Variants in SCML4 observed in about 807,000 individuals in gnomAD.
SCML4 encodes the protein sex comb on midleg-like protein 4.
In SCML4, 34 loss-of-function variants were observed where a neutral mutation model predicts 41.1. That is an observed-to-expected ratio of 0.83 (90% CI 0.63 to 1.10). SCML4 has a LOEUF of 1.10. Ranked by LOEUF, SCML4 falls within the 50% of genes least tolerant of loss-of-function variation. The pLI, the probability that SCML4 is intolerant of heterozygous loss-of-function variation, is 0.00. For synonymous variants in SCML4, 214 were observed against 220.9 expected, an observed-to-expected ratio of 0.97 and a Z score of 0.28; for missense variants, 522 against 534.1, an observed-to-expected ratio of 0.98 and a Z score of 0.22.
intron 1 of SCML4, among the ~76,000 whole-genome samples, chr6:107,802,868 C>T (rs990735809): frequency 6.6e-6 from 1 of 151,870 alleles, no homozygotes; most frequent in East Asian, 2.0e-4. Flanking sequence ...CTCAGCCTGC[C>T]GAGTGCCTGC....
chr6:107,800,023 T>C (rs1460038902), intron 1 of SCML4, among the ~76,000 whole-genome samples: 3 of 152,058 alleles, frequency 2.0e-5, no homozygotes, highest in Non-Finnish European at 4.4e-5. Context: ...TGTTTTGTTT[T>C]GTTGTTTTGA....
chr6:107,732,906 T>C (rs186239984), intron 5 of SCML4, among the ~76,000 whole-genome samples: 1 of 152,342 alleles, frequency 6.6e-6, no homozygotes, highest in East Asian at 1.9e-4. Flanking sequence ...CTTGTAAGTT[T>C]CCTTTCTAAA....
intron 5 of SCML4, among the ~76,000 whole-genome samples, chr6:107,726,345 A>G (rs1269689872): frequency 6.6e-6 from 1 of 151,838 alleles, no homozygotes; most frequent in Non-Finnish European, 1.5e-5. Context: ...CATCCTGGCT[A>G]ACACGGTGAA....
chr6:107,803,422 A>AGAT (rs1783432305), intron 1 of SCML4, among the ~76,000 whole-genome samples: 1 of 141,828 alleles, frequency 7.1e-6, no homozygotes, highest in Admixed American at 6.8e-5. Context: ...TCCGGGAGGG[A>AGAT]GGTGGGGGGG....
the SCML4 span, among the ~76,000 whole-genome samples, chr6:107,829,806 A>T: frequency 6.6e-6 from 1 of 152,220 alleles, no homozygotes; most frequent in African/African-American, 2.4e-5. Context: ...AAAAACTGGT[A>T]TGAATTAATT....
chr6:107,802,163 G>A (rs1478641854), intron 1 of SCML4, among the ~76,000 whole-genome samples: 2 of 152,210 alleles, frequency 1.3e-5, no homozygotes, highest in Non-Finnish European at 1.5e-5. Context: ...ACAACAAAAA[G>A]TCACTGTTCT....
intron 2 of SCML4, among the ~76,000 whole-genome samples, chr6:107,753,960 A>G (rs1478622402): frequency 6.6e-6 from 1 of 152,216 alleles, no homozygotes; most frequent in African/African-American, 2.4e-5. Context: ...GTCTCTTCCC[A>G]TGGCTTCCAA....
At chr6:107,721,303 T>C (rs1775385458) in intron 5 of SCML4, among the ~76,000 whole-genome samples, 2 of 152,150 alleles carry the variant, frequency 1.3e-5, no homozygotes, top group South Asian at 4.2e-4. Context: ...GTGGCTCCCG[T>C]CTGTAATCCC....
At chr6:107,831,035 G>A in the SCML4 span, among the ~76,000 whole-genome samples, 2 of 152,024 alleles carry the variant, frequency 1.3e-5, no homozygotes, top group Non-Finnish European at 2.9e-5. Flanking sequence ...CTATGTGTGC[G>A]CCAAAGAGCC....
intron 2 of SCML4, among the ~76,000 whole-genome samples, chr6:107,754,879 C>T (rs557116557): frequency 6.0e-4 from 92 of 152,180 alleles, no homozygotes; most frequent in Middle Eastern, 3.4e-3. Flanking sequence ...GAGGCCAAGA[C>T]GGCAGGATTG....
chr6:107,732,420 A>T (rs1030239304), intron 5 of SCML4: 8 of 152,216 alleles, frequency 5.3e-5, no homozygotes, highest in Admixed American at 1.3e-4. Context: ...AATCAACCTT[A>T]TGACTCCCCT....
At chr6:107,737,747 TGGTGAGCCG>T (rs1211485549) in intron 5 of SCML4, among the ~76,000 whole-genome samples, 2 of 152,078 alleles carry the variant, frequency 1.3e-5, no homozygotes, top group African/African-American at 4.8e-5. Flanking sequence ...AGGCTTGTAA[TGGTGAGCCG>T]GGTGGGAGGG....
the SCML4 span, among the ~76,000 whole-genome samples, chr6:107,841,255 T>G: frequency 3.8e-3 from 575 of 151,062 alleles, 4 homozygotes; most frequent in African/African-American, 0.013. Flanking sequence ...AGGCCAGGAG[T>G]TCAAGACCAG....
intron 2 of SCML4, among the ~76,000 whole-genome samples, chr6:107,756,158 C>T (rs562669500): frequency 2.0e-4 from 31 of 152,240 alleles, no homozygotes; most frequent in African/African-American, 6.7e-4. Context: ...CTACTCCTTA[C>T]GGATGGGCTG....
intron 1 of SCML4, among the ~76,000 whole-genome samples, chr6:107,815,545 G>A (rs932462235): frequency 1.3e-5 from 2 of 152,058 alleles, no homozygotes; most frequent in Non-Finnish European, 2.9e-5. Flanking sequence ...CACACCACCC[G>A]CAGCAGCTCA....
At chr6:107,728,043 A>G (rs555611546) in intron 5 of SCML4, among the ~76,000 whole-genome samples, 2 of 152,368 alleles carry the variant, frequency 1.3e-5, no homozygotes, top group South Asian at 4.1e-4. Flanking sequence ...AGACTCATTA[A>G]AATTGATATT....
At chr6:107,790,018 C>T (rs1782202547) in intron 1 of SCML4, among the ~76,000 whole-genome samples, 1 of 152,172 alleles carries the variant, frequency 6.6e-6, no homozygotes, top group East Asian at 1.9e-4. Flanking sequence ...CTCAGGAAGG[C>T]TCCAGATCTT....
intron 5 of SCML4, among the ~76,000 whole-genome samples, chr6:107,723,211 A>G (rs1326280174): frequency 6.6e-6 from 1 of 152,240 alleles, no homozygotes; most frequent in Non-Finnish European, 1.5e-5. Context: ...TAAATTTATC[A>G]TAAGTTAAAA....
intron 3 of SCML4, among the ~76,000 whole-genome samples, chr6:107,749,186 A>G (rs897283254): frequency 1.3e-5 from 2 of 152,064 alleles, no homozygotes; most frequent in Non-Finnish European, 2.9e-5. Context: ...CATTACTATT[A>G]TGATGAAACT....
Sources: gnomAD v4.1 joint callset for allele counts (sites outside exome capture counted in the v4.1 genomes callset) on GRCh38, gnomAD v4.1.1 for gene constraint, MANE v1.5 for transcripts, NCBI Gene and HGNC (gene_info 2026-07-23, HGNC 2026-07-21) for gene names.